The following IL1RAP variants were observed in gnomAD, a reference collection of about 807,000 sequenced individuals.
IL1RAP encodes the protein interleukin 1 receptor accessory protein, also known as interleukin-1 receptor accessory protein.
Under a neutral mutation model 60.7 loss-of-function variants are expected in IL1RAP, and 35 were observed. The observed-to-expected ratio is 0.58, with a 90% CI of 0.44 to 0.76. The LOEUF (loss-of-function observed/expected upper bound fraction) is 0.76. Among genes scored for constraint, IL1RAP ranks in the 30% least tolerant of loss-of-function variants. The probability of loss-of-function intolerance (pLI) is 0.00; values close to 1 mark genes in which losing one functional copy is unlikely to be tolerated. For synonymous variants in IL1RAP, 268 were observed against 250.9 expected (o/e 1.07, Z -0.64); for missense variants, 572 against 693.9 (o/e 0.82, Z 1.97).
At position 190,651,137 on chromosome 3, in the gene IL1RAP, T is replaced by C; in HGVS notation, c.*2432T>C. The C allele has an allele frequency of 1.0e-6, 1 of 984,714 alleles. No homozygotes were observed. Among genetic ancestry groups the C allele is most frequent in the Non-Finnish European group, 1.2e-6 (1 of 829,400 alleles). The allele number at this position is 984,714 out of a possible 1,614,324, so 61.0% of individuals were successfully genotyped here. ...TCAAGGGAAATGGGGAAACATAATT[T>C]AGAGAACAAGAACAAACCATGTCTC... is the stretch of plus-strand genomic sequence containing the variant. On this transcript the variant is annotated 3_prime_UTR_variant, in exon 12 of 12. Transcript: ENST00000447382.
chr3:190,638,523 CAT>C (rs1435883509), intron 9 of IL1RAP, among the ~76,000 whole-genome samples: 1 of 152,170 alleles, frequency 6.6e-6, no homozygotes, highest in Non-Finnish European at 1.5e-5. Flanking sequence ...TTGTCAGACA[CAT>C]GTTTTGCAAA....
Position 190,629,464 on chromosome 3 carries a change from C to T in IL1RAP, c.1017C>T (p.Gly339=), listed in dbSNP as rs1202267309. The T allele has an allele frequency of 5.0e-6, 8 of 1,613,156 alleles. No homozygotes were observed. The East Asian group carries it at 1.8e-4, about 36-fold the overall frequency. The change falls in exon 9 of 12, where the codon GGC becomes GGT. Residue 339 remains glycine (G), a synonymous_variant. Transcript: ENST00000447382. ...TCTGTCATGCTAGAAGTGCCAAAGGCGAAGTTGCCAAAGCAGCCAAGGTGA... is the reference window on the plus strand; with the variant it reads ...TCTGTCATGCTAGAAGTGCCAAAGGTGAAGTTGCCAAAGCAGCCAAGGTGA... ...SYVCHARSAK[G]EVAKAAKVKQ... is the part of the protein sequence containing the mutation.
intron 2 of IL1RAP, chr3:190,563,335 T>C (rs1277061238): frequency 6.6e-6 from 1 of 152,204 alleles, no homozygotes; most frequent in Admixed American, 6.6e-5. Context: ...TCTGCAAGCA[T>C]TCTTATATGG....
At chr3:190,557,968 T>G (rs993413113) in intron 2 of IL1RAP, among the ~76,000 whole-genome samples, 6 of 152,150 alleles carry the variant, frequency 3.9e-5, no homozygotes, top group Admixed American at 3.9e-4. Flanking sequence ...CCTAACCCCT[T>G]GATCTGTTCT....
At chr3:190,629,734 G>A (rs1024946) in intron 9 of IL1RAP, 821,455 of 1,215,874 alleles carry the variant, frequency 0.68, 281,361 homozygotes, top group East Asian at 0.81. Context: ...TAAAAAAATC[G>A]ACGTGAGTAC....
chr3:190,622,243 G>A (rs1216073942), intron 6 of IL1RAP, among the ~76,000 whole-genome samples: 1 of 152,174 alleles, frequency 6.6e-6, no homozygotes, highest in Non-Finnish European at 1.5e-5. Flanking sequence ...CCTTAAGCAT[G>A]GAGGGTATTT....
At chr3:190,544,350 G>A (rs1451387936) in intron 1 of IL1RAP, among the ~76,000 whole-genome samples, 1 of 152,162 alleles carries the variant, frequency 6.6e-6, no homozygotes, top group African/African-American at 2.4e-5. Flanking sequence ...AGCTACACTG[G>A]TGGAGCATAG....
chr3:190,521,300 A>G (rs997777659), intron 1 of IL1RAP, among the ~76,000 whole-genome samples: 1 of 147,690 alleles, frequency 6.8e-6, no homozygotes, highest in Admixed American at 6.8e-5. Context: ...CACATGTAAC[A>G]TTTTTTTTTT....
Position 190,650,812 on chromosome 3 carries a change from T to G in IL1RAP, c.*2107T>G. 2.0e-6 allele frequency: 2 copies of G among 985,112 alleles called. No individual in the cohort carries two copies. The highest frequency in any genetic ancestry group is 2.4e-6 in the Non-Finnish European group (2 of 829,660). The allele number at this position is 985,112 out of a possible 1,614,324, so 61.0% of individuals were successfully genotyped here. A position where few individuals can be genotyped will look rare whatever the true frequency, so the allele number is the denominator to read the frequency against. On this transcript the variant is annotated 3_prime_UTR_variant, in exon 12 of 12. Coordinates refer to ENST00000447382, the MANE Select transcript of IL1RAP (RefSeq NM_002182.4). ...GAAAAGAACTTATTCCAGATAAGCT[T>G]TGAATATCAATTCTTACATAAACTT...
intron 2 of IL1RAP, among the ~76,000 whole-genome samples, chr3:190,562,053 G>C (rs1009588009): frequency 2.0e-5 from 3 of 152,162 alleles, no homozygotes; most frequent in Admixed American, 6.5e-5. Context: ...TTCTACCACT[G>C]TCTGCTTTCC....
chr3:190,627,942 G>A (rs773412339), intron 8 of IL1RAP, among the ~76,000 whole-genome samples: 9 of 151,830 alleles, frequency 5.9e-5, no homozygotes, highest in Non-Finnish European at 1.0e-4. Context: ...ATTGCAGTGA[G>A]CATGCATTTT....
intron 1 of IL1RAP, among the ~76,000 whole-genome samples, chr3:190,548,628 A>G (rs1305753507): frequency 6.6e-6 from 1 of 152,238 alleles, no homozygotes; most frequent in Non-Finnish European, 1.5e-5. Context: ...GTAAGAAAAA[A>G]TCTAAACAAA....
chr3:190,558,095 A>T (rs1725578211), intron 2 of IL1RAP, among the ~76,000 whole-genome samples: 1 of 152,200 alleles, frequency 6.6e-6, no homozygotes, highest in Non-Finnish European at 1.5e-5. Context: ...CATCCAAGTT[A>T]TTATATCAAC....
At chr3:190,593,068 A>G (rs1183526930) in intron 3 of IL1RAP, among the ~76,000 whole-genome samples, 1 of 151,538 alleles carries the variant, frequency 6.6e-6, no homozygotes, top group Non-Finnish European at 1.5e-5. Flanking sequence ...TTTCTCCCTC[A>G]CCAAACCCTT....
chr3:190,656,371 T>C, downstream of IL1RAP: 3 of 1,537,226 alleles, frequency 2.0e-6, no homozygotes, highest in Non-Finnish European at 2.6e-6. Context: ...CTCCGCCACC[T>C]GCCGCTGTTG....
At chr3:190,521,899 T>C (rs796269314) in intron 1 of IL1RAP, among the ~76,000 whole-genome samples, 17 of 152,214 alleles carry the variant, frequency 1.1e-4, no homozygotes, top group African/African-American at 4.1e-4. Flanking sequence ...CATAGTTTTC[T>C]ACAACAAAAT....
chr3:190,647,766 G>C (rs940922617), intron 11 of IL1RAP, among the ~76,000 whole-genome samples: 4 of 152,216 alleles, frequency 2.6e-5, no homozygotes, highest in Non-Finnish European at 5.9e-5. Context: ...AGGACATAGT[G>C]ATGTTAGAGT....
At chr3:190,529,422 T>G (rs944583131) in intron 1 of IL1RAP, among the ~76,000 whole-genome samples, 8 of 149,598 alleles carry the variant, frequency 5.3e-5, no homozygotes, top group African/African-American at 2.0e-4. Context: ...GCGTGGTGGC[T>G]CATGCCTGTA....
At chr3:190,518,969 T>C (rs9990231) in intron 1 of IL1RAP, 43,991 of 152,078 alleles carry the variant, frequency 0.29, 6,608 homozygotes, top group Middle Eastern at 0.4. Flanking sequence ...ACGCATTTTA[T>C]TCTAGAGTTA....
Sources: gnomAD v4.1 joint callset for allele counts (sites outside exome capture counted in the v4.1 genomes callset) on GRCh38, gnomAD v4.1.1 for gene constraint, MANE v1.5 for transcripts, NCBI Gene and HGNC (gene_info 2026-07-23, HGNC 2026-07-21) for gene names.